PITPNM2: variants seen among roughly 807,000 people sequenced by gnomAD.
The protein encoded by PITPNM2 is membrane-associated phosphatidylinositol transfer protein 2.
A neutral mutation model predicts 132.2 loss-of-function variants in PITPNM2; 35 were observed. That is an observed-to-expected ratio of 0.26 (90% confidence interval 0.20 to 0.35). The LOEUF (loss-of-function observed/expected upper bound fraction) is 0.35. Ranked by LOEUF, PITPNM2 falls within the 10% of genes least tolerant of loss-of-function variation. The pLI, the probability that PITPNM2 is intolerant of heterozygous loss-of-function variation, is 1.00. For synonymous variants in PITPNM2, 738 were observed against 799.2 expected, an observed-to-expected ratio of 0.92 and a Z score of 1.29; for missense variants, 1,332 against 1,912.0, an observed-to-expected ratio of 0.70 and a Z score of 5.66.
At position 122,992,607 on chromosome 12, in the gene PITPNM2, C is replaced by A; in HGVS notation, c.2296G>T (p.Ala766Ser). The A allele has an allele frequency of 1.2e-6, 2 of 1,609,938 alleles. No homozygotes were observed. The highest frequency in any genetic ancestry group is 1.7e-6 in the Non-Finnish European group (2 of 1,178,456). Residue 766 changes from alanine (A) to serine (S), a missense_variant, in exon 16 of 26, where the codon GCT becomes TCT. By Grantham distance (99) the Ala-to-Ser change is moderately conservative (BLOSUM62 1). Around this residue, in one of 6 missense-constraint regions of PITPNM2, gnomAD observed 710 missense variants for 911.5 expected, o/e 0.78. Coordinates refer to ENST00000320201, the MANE Select transcript of PITPNM2 (RefSeq NM_020845.3). This position sits in a 1 kb window ranked among gnomAD's most constrained non-coding sequence, Gnocchi z 6.5. The part of the protein sequence containing the change: ...YNLFHPADPS[A>S]SRLEPLLERR... ...TCCAGCAGCGGCTCCAGGCGTGAAG[C>A]TGACGGGTCCGCGGGGTGGAAGAGG...
At position 123,000,659 on chromosome 12, in the gene PITPNM2, C is replaced by T. The variant is rs1262973027; in HGVS notation, c.1224+119G>A. ...TCTCCCCAGACAGTACCCAGGCAGG[C>T]GTGGAGGTGAGGCTGCCAGGCCCAG... On this transcript the variant is annotated intron_variant, in intron 10 of 25. Transcript: ENST00000320201. The surrounding 1 kb of genome is among the most constrained non-coding windows in gnomAD (Gnocchi z 5.4). The T allele has an allele frequency of 7.2e-6, 8 of 1,114,716 alleles. No homozygotes were observed. The highest frequency in any genetic ancestry group is 3.1e-5 in the African/African-American group (2 of 64,764). 69.1% of individuals were successfully genotyped at this position (1,114,716 alleles called of 1,614,324 possible).
chr12:123,032,566 C>T (rs773267700), intron 3 of PITPNM2, among the ~76,000 whole-genome samples: 1 of 152,134 alleles, frequency 6.6e-6, no homozygotes, highest in Non-Finnish European at 1.5e-5. Context: ...TCCAGAACAG[C>T]TTTGGGATCT....
At chr12:123,033,286 G>T (rs1371485185) in intron 3 of PITPNM2, among the ~76,000 whole-genome samples, 1 of 152,238 alleles carries the variant, frequency 6.6e-6, no homozygotes, top group African/African-American at 2.4e-5. Context: ...GAGGGAAGCT[G>T]CCGGGCTAGG....
At chr12:122,991,694 T>A in intron 16 of PITPNM2, 1 of 1,283,116 alleles carries the variant, frequency 7.8e-7, no homozygotes, top group Non-Finnish European at 9.9e-7. Context: ...TTGGGGGGTG[T>A]CCCTGAGGAC....
chr12:123,039,533 T>C (rs143558534), intron 2 of PITPNM2, among the ~76,000 whole-genome samples: 3 of 152,236 alleles, frequency 2.0e-5, no homozygotes, highest in Non-Finnish European at 2.9e-5. Context: ...AGTTGGTTCA[T>C]TAAGTAGGTA....
rs1434037995 is a variant in PITPNM2 at position 122,983,578 on chromosome 12, G to C, written c.*2449C>G. On this transcript the variant is annotated 3_prime_UTR_variant, in exon 26 of 26. Coordinates refer to ENST00000320201, the MANE Select transcript of PITPNM2 (RefSeq NM_020845.3). ...CGGGGACAGCAGGGACGGATGGGGA[G>C]ATGGGGACACTGCTCACACATGGCC... The C allele has an allele frequency of 6.5e-6, 1 of 152,812 alleles. No individual in the cohort carries two copies. Among genetic ancestry groups the C allele is most frequent in the Non-Finnish European group, 1.5e-5 (1 of 68,244 alleles). 9.5% of individuals were successfully genotyped at this position (152,812 alleles called of 1,614,324 possible).
intron 2 of PITPNM2, among the ~76,000 whole-genome samples, chr12:123,042,510 C>T (rs1309705600): frequency 6.6e-6 from 1 of 152,168 alleles, no homozygotes; most frequent in Non-Finnish European, 1.5e-5. Flanking sequence ...TCCATCCCAA[C>T]GCAGTTCAGC....
At chr12:123,042,478 G>A (rs2040520782) in intron 2 of PITPNM2, among the ~76,000 whole-genome samples, 1 of 152,186 alleles carries the variant, frequency 6.6e-6, no homozygotes, top group African/African-American at 2.4e-5. Context: ...GTGAGGCTGT[G>A]CAAAGTTAAG....
At chr12:123,059,862 G>A (rs2041174456) in intron 2 of PITPNM2, among the ~76,000 whole-genome samples, 1 of 152,088 alleles carries the variant, frequency 6.6e-6, no homozygotes, top group South Asian at 2.1e-4. Context: ...GTTCCTTTCA[G>A]GGTGATGGAA....
upstream of PITPNM2, among the ~76,000 whole-genome samples, chr12:123,151,408 C>A (rs577263099): frequency 6.8e-4 from 104 of 152,230 alleles, no homozygotes; most frequent in African/African-American, 2.3e-3. Flanking sequence ...GGGGCGGGAA[C>A]CGGCCGACTT....
intron 2 of PITPNM2, among the ~76,000 whole-genome samples, chr12:123,098,318 A>C (rs1286169573): frequency 2.6e-5 from 4 of 152,160 alleles, no homozygotes; most frequent in African/African-American, 9.7e-5. Context: ...GTAAGTCAGG[A>C]CCAGGACGGG....
intron 2 of PITPNM2, among the ~76,000 whole-genome samples, chr12:123,051,451 G>A (rs1029998059): frequency 2.0e-5 from 3 of 152,104 alleles, no homozygotes; most frequent in Admixed American, 6.5e-5. Flanking sequence ...TTGTATTCTG[G>A]ATTTCTCCAC....
In PITPNM2 at chr12:123,029,827, C is replaced by G. The variant is rs12314042; in HGVS notation, c.78+4686G>C. Among the ~76,000 whole-genome samples, 217 of 135,584 alleles carry G rather than the reference C, an allele frequency of 1.6e-3. 1 individual carries two copies. The East Asian group carries it at 0.019, about 12-fold the overall frequency. The allele number at this position is 135,584 out of a possible 152,430, so 88.9% of individuals were successfully genotyped here. Reference sequence around the variant, plus strand: ...GTTGTGTGTGGACACACATATGTGTCTGTGTGTGTGTGTGTGTGTGTGTGT... The same window carrying G: ...GTTGTGTGTGGACACACATATGTGTGTGTGTGTGTGTGTGTGTGTGTGTGT... On this transcript the variant is annotated intron_variant, in intron 3 of 25. Coordinates refer to ENST00000320201, the MANE Select transcript of PITPNM2 (RefSeq NM_020845.3).
In PITPNM2 at chr12:123,064,053, A is replaced by G. The variant is rs2041334479; in HGVS notation, c.-95-29368T>C. 6.6e-6 allele frequency among the ~76,000 whole-genome samples: 1 copy of G among 152,208 alleles called. No homozygotes were observed. The highest frequency in any genetic ancestry group is 1.5e-5 in the Non-Finnish European group (1 of 68,034). On this transcript the variant is annotated intron_variant, in intron 2 of 25. Coordinates refer to ENST00000320201, the MANE Select transcript of PITPNM2 (RefSeq NM_020845.3). This position sits in a 1 kb window ranked among gnomAD's most constrained non-coding sequence, Gnocchi z 4.0. ...GATGGTGATGGTGATGCTGGGGATC[A>G]GCCCTGCTAAAGAACTGTGTCCCCA...
chr12:123,037,084 T>G (rs1420570375), intron 2 of PITPNM2, among the ~76,000 whole-genome samples: 5 of 152,200 alleles, frequency 3.3e-5, no homozygotes, highest in Non-Finnish European at 7.3e-5. Context: ...CACACCTGGC[T>G]GGAAGCTGAG....
chr12:123,114,905 GA>G (rs1262563384), intron 1 of PITPNM2, among the ~76,000 whole-genome samples: 1 of 152,196 alleles, frequency 6.6e-6, no homozygotes, highest in Non-Finnish European at 1.5e-5. Flanking sequence ...GAAAATGAAG[GA>G]AGGCACCTCC....
intron 2 of PITPNM2, among the ~76,000 whole-genome samples, chr12:123,074,549 CAT>C (rs915132891): frequency 4.6e-5 from 7 of 152,072 alleles, no homozygotes; most frequent in African/African-American, 1.2e-4. Flanking sequence ...ACACCCCCCA[CAT>C]GAGCACACCA....
intron 3 of PITPNM2, among the ~76,000 whole-genome samples, chr12:123,034,016 G>T (rs1347546486): frequency 6.6e-6 from 1 of 152,190 alleles, no homozygotes; most frequent in Non-Finnish European, 1.5e-5. Flanking sequence ...ACCAGAGCCT[G>T]CTCACTCTCT....
intron 2 of PITPNM2, among the ~76,000 whole-genome samples, chr12:123,094,793 C>A (rs985410068): frequency 6.6e-6 from 1 of 152,110 alleles, no homozygotes; most frequent in Admixed American, 6.5e-5. Context: ...ATCTAAGAAT[C>A]GAAGGCCTTG....
Sources: allele counts gnomAD v4.1 joint callset (sites outside exome capture counted in the v4.1 genomes callset), GRCh38; gene constraint gnomAD v4.1.1; regional missense constraint gnomAD v4.1.1; non-coding constraint Gnocchi (gnomAD v3.1); transcripts MANE v1.5; gene names NCBI Gene and HGNC (gene_info 2026-07-23, HGNC 2026-07-21).